Variants in SLC20A2 observed in about 807,000 individuals in gnomAD.
The protein encoded by SLC20A2 is solute carrier family 20 member 2.
A neutral mutation model predicts 61.0 loss-of-function variants in SLC20A2; 30 were observed. The observed-to-expected ratio is 0.49, with a 90% confidence interval of 0.37 to 0.67. SLC20A2 has a LOEUF of 0.67. SLC20A2 is among the 30% of genes least tolerant of loss of function. SLC20A2 has a pLI of 0.00. For synonymous variants in SLC20A2, 351 were observed against 353.3 expected (o/e 0.99, Z 0.07); for missense variants, 626 against 866.4 (o/e 0.72, Z 3.48).
rs577662859 is a variant in SLC20A2, at chr8:42,452,559, G to A, written c.613+7337C>T. 2.0e-5 allele frequency among the ~76,000 whole-genome samples: 3 copies of A among 151,206 alleles called. No homozygotes were observed. In the East Asian group the frequency reaches 5.9e-4, roughly 30 times the overall value. ...GAAGAAGAGATAAAGAGGAGGAGCA[G>A]GAAGAGATGGAGGAGCGGGAAGAGG... On this transcript the variant is annotated intron_variant, in intron 5 of 10. Coordinates refer to ENST00000520262, the MANE Select transcript of SLC20A2 (RefSeq NM_001257180.2).
chr8:42,527,207 C>T (rs1812024871), intron 1 of SLC20A2, among the ~76,000 whole-genome samples: 1 of 151,326 alleles, frequency 6.6e-6, no homozygotes, highest in South Asian at 2.1e-4. Context: ...AGTGCGAGAC[C>T]AGGCTTACCA....
chr8:42,496,844 C>G (rs1057154696), intron 1 of SLC20A2, among the ~76,000 whole-genome samples: 1 of 152,144 alleles, frequency 6.6e-6, no homozygotes, highest in East Asian at 1.9e-4. Context: ...AAGACAGGGA[C>G]GGACCAACCT....
chr8:42,482,634 T>A (rs1468548379), intron 1 of SLC20A2, among the ~76,000 whole-genome samples: 1 of 152,106 alleles, frequency 6.6e-6, no homozygotes, highest in African/African-American at 2.4e-5. Context: ...GGTAGGAAGA[T>A]CACCTGAGCC....
upstream of SLC20A2, among the ~76,000 whole-genome samples, chr8:42,504,891 T>C (rs1004450655): frequency 1.4e-5 from 1 of 73,412 alleles, no homozygotes; most frequent in African/African-American, 5.3e-5. Context: ...AAAAAAGGCA[T>C]GTTCCAGTTA....
intron 8 of SLC20A2, among the ~76,000 whole-genome samples, chr8:42,436,780 CTG>C (rs1368004816): frequency 6.6e-6 from 1 of 152,250 alleles, no homozygotes; most frequent in Non-Finnish European, 1.5e-5. Context: ...GGCTCCTGCC[CTG>C]TGTCTATCTA....
At chr8:42,534,716 A>C (rs1812597908) in intron 1 of SLC20A2, 1 of 152,228 alleles carries the variant, frequency 6.6e-6, no homozygotes, top group South Asian at 2.1e-4. Flanking sequence ...GATAAAGGTG[A>C]AATTAAAGTC....
Position 42,507,993 on chromosome 8 carries a change from C to T in SLC20A2, c.-265+33828G>A, listed in dbSNP as rs751015925. Among the ~76,000 whole-genome samples, 293 of 151,964 alleles carry T rather than the reference C, an allele frequency of 1.9e-3. 4 individuals are homozygous for T. The highest frequency in any genetic ancestry group is 2.4e-3 in the Non-Finnish European group (161 of 67,976). ...TGGCCAATATGGTGAAACCCCATCT[C>T]GACTAAAAATACAAAAAAAATTAGC... is the stretch of plus-strand genomic sequence containing the variant. On this transcript the variant is annotated intron_variant, in intron 1 of 10. Coordinates refer to the SLC20A2 transcript ENST00000342228.
chr8:42,455,726 G>A (rs1287798466), intron 5 of SLC20A2, among the ~76,000 whole-genome samples: 1 of 152,042 alleles, frequency 6.6e-6, no homozygotes, highest in Non-Finnish European at 1.5e-5. Flanking sequence ...GGTATTATAT[G>A]TAGTGTTTTA....
intron 1 of SLC20A2, among the ~76,000 whole-genome samples, chr8:42,516,472 CTGGG>C (rs1419607128): frequency 4.6e-5 from 7 of 152,212 alleles, no homozygotes; most frequent in Non-Finnish European, 8.8e-5. Context: ...GTTCCCCAAC[CTGGG>C]AGGTCATTGC....
upstream of SLC20A2, among the ~76,000 whole-genome samples, chr8:42,506,199 C>T (rs751004752): frequency 2.0e-5 from 3 of 152,152 alleles, no homozygotes; most frequent in Non-Finnish European, 2.9e-5. Flanking sequence ...CTTGGCCTCC[C>T]GAAGTACTGG....
At chr8:42,452,349 TGGAGGAAGA>T (rs1805797019) in intron 5 of SLC20A2, among the ~76,000 whole-genome samples, 2 of 96,130 alleles carry the variant, frequency 2.1e-5, no homozygotes, top group African/African-American at 9.1e-5. Context: ...GAGGAAGAAA[TGGAGGAAGA>T]GGAGGAAGAG....
At chr8:42,482,474 T>C (rs149381427) in intron 1 of SLC20A2, among the ~76,000 whole-genome samples, 71 of 151,444 alleles carry the variant, frequency 4.7e-4, no homozygotes, top group African/African-American at 1.7e-3. Flanking sequence ...GAAAAAAGAC[T>C]ATTTAGGCTG....
chr8:42,448,386 C>T (rs1805393882), intron 5 of SLC20A2, among the ~76,000 whole-genome samples: 1 of 152,146 alleles, frequency 6.6e-6, no homozygotes, highest in Non-Finnish European at 1.5e-5. Flanking sequence ...TCATGCTGAG[C>T]AGGGCCCGAA....
chr8:42,504,364 A>G (rs1333297694), upstream of SLC20A2, among the ~76,000 whole-genome samples: 3 of 152,194 alleles, frequency 2.0e-5, no homozygotes, highest in Non-Finnish European at 4.4e-5. Flanking sequence ...AAAGGTTAAG[A>G]GCCAGGAGAC....
At chr8:42,538,544 G>A (rs986216161) in intron 1 of SLC20A2, among the ~76,000 whole-genome samples, 14 of 152,180 alleles carry the variant, frequency 9.2e-5, no homozygotes, top group Admixed American at 2.6e-4. Flanking sequence ...AGTGGAAAGT[G>A]GAGAGAGGAT....
intron 1 of SLC20A2, 31 bp downstream of exon 1, chr8:42,501,000 G>C (rs753787524): frequency 6.6e-6 from 1 of 152,138 alleles, no homozygotes; most frequent in East Asian, 1.9e-4. Context: ...AAAGAACAAA[G>C]AGAAGTCTTA....
intron 10 of SLC20A2, among the ~76,000 whole-genome samples, chr8:42,420,088 A>G (rs986944457): frequency 6.6e-6 from 1 of 152,026 alleles, no homozygotes; most frequent in Non-Finnish European, 1.5e-5. Context: ...TGGGTGGCTG[A>G]GGCAGGAGAA....
intron 1 of SLC20A2, among the ~76,000 whole-genome samples, chr8:42,529,233 CA>C (rs923459642): frequency 6.6e-6 from 1 of 152,072 alleles, no homozygotes; most frequent in African/African-American, 2.4e-5. Flanking sequence ...CCTCTCAAAG[CA>C]CTGTAATTAC....
chr8:42,443,841 CT>C (rs1330454811), intron 6 of SLC20A2, among the ~76,000 whole-genome samples: 2 of 152,140 alleles, frequency 1.3e-5, no homozygotes, highest in Non-Finnish European at 2.9e-5. Flanking sequence ...ATCCATAAAA[CT>C]TTTAAATAAA....
Sources: gnomAD v4.1 joint callset for allele counts (sites outside exome capture counted in the v4.1 genomes callset) on GRCh38, gnomAD v4.1.1 for gene constraint, MANE v1.5 for transcripts, NCBI Gene and HGNC (gene_info 2026-07-23, HGNC 2026-07-21) for gene names.